KALRN: variants seen among roughly 807,000 people sequenced by gnomAD.
KALRN encodes kalirin RhoGEF kinase, also known as kalirin.
KALRN carries 70 observed loss-of-function variants against 353.7 expected under a neutral mutation model. The ratio of observed to expected loss-of-function variants is 0.20; its 90% CI spans 0.16 to 0.24. The LOEUF is 0.24. Ranked by LOEUF, KALRN falls within the 10% of genes least tolerant of loss-of-function variation. The pLI, the probability that KALRN is intolerant of heterozygous loss-of-function variation, is 1.00. For missense variants in KALRN, 2,791 were observed against 3,756.7 expected, an observed-to-expected ratio of 0.74 and a Z score of 6.72; for synonymous variants, 1,391 against 1,434.8, an observed-to-expected ratio of 0.97 and a Z score of 0.69.
rs2063377141 is a variant in KALRN, at chr3:124,722,909, G to C, written c.*3439G>C. 1 of 152,140 alleles carries C rather than the reference G, an allele frequency of 6.6e-6. No individual in the cohort carries two copies. The allele number at this position is 152,140 out of a possible 1,614,324, so 9.4% of individuals were successfully genotyped here. ...TTTTGTTTTGTAAGGGTGGGATACA[G>C]AAAGAATGAAAAGATCAGGGACAAC... On this transcript the variant is annotated 3_prime_UTR_variant, in exon 60 of 60. Transcript: ENST00000682506.
intron 54 of KALRN, among the ~76,000 whole-genome samples, chr3:124,697,338 T>TACC (rs1432382636): frequency 6.6e-6 from 1 of 152,186 alleles, no homozygotes; most frequent in Admixed American, 6.5e-5. Context: ...ACCATAAACC[T>TACC]ACCATCAACA....
chr3:124,534,446 T>G (rs1577786031), intron 33 of KALRN, among the ~76,000 whole-genome samples: 1 of 152,252 alleles, frequency 6.6e-6, no homozygotes, highest in South Asian at 2.1e-4. Context: ...ACCTAGATGA[T>G]GGGTTGACAA....
At chr3:124,048,184 CAG>C (rs1244130006) in intron 1 of KALRN, among the ~76,000 whole-genome samples, 1 of 152,112 alleles carries the variant, frequency 6.6e-6, no homozygotes, top group East Asian at 1.9e-4. Flanking sequence ...TATAGGAAGA[CAG>C]AGGATCCATT....
intron 1 of KALRN, among the ~76,000 whole-genome samples, chr3:124,192,202 G>T (rs962453515): frequency 6.6e-6 from 1 of 152,166 alleles, no homozygotes; most frequent in Non-Finnish European, 1.5e-5. Flanking sequence ...TGATATGATT[G>T]GTGTCCTAGT....
chr3:124,701,601 T>TAGAAAG (rs1016301789), intron 56 of KALRN, among the ~76,000 whole-genome samples: 2 of 152,134 alleles, frequency 1.3e-5, no homozygotes, highest in Non-Finnish European at 2.9e-5. Context: ...TGGCTCAGGT[T>TAGAAAG]AGAAAGAGAA....
At position 124,725,607 on chromosome 3, in the gene KALRN, G is replaced by C. The variant is rs966995495; in HGVS notation, c.*6137G>C. 1 of 152,162 alleles carries C rather than the reference G, an allele frequency of 6.6e-6. No individual in the cohort carries two copies. Among genetic ancestry groups the C allele is most frequent in the African/African-American group, 2.4e-5 (1 of 41,418 alleles). The allele number at this position is 152,162 out of a possible 1,614,324, so 9.4% of individuals were successfully genotyped here. On this transcript the variant is annotated 3_prime_UTR_variant, in exon 60 of 60. Transcript: ENST00000682506. ...CATTTAGGGCCATTCAAAACCATTA[G>C]GGCTAATTTGTGGAGACGAATTCTA...
At chr3:124,067,479 A>T (rs2042466751) in intron 1 of KALRN, among the ~76,000 whole-genome samples, 1 of 152,206 alleles carries the variant, frequency 6.6e-6, no homozygotes, top group Admixed American at 6.5e-5. Context: ...AATTTAAAGC[A>T]CACAGCAAAA....
At chr3:124,372,515 A>G (rs1023578643) in intron 10 of KALRN, among the ~76,000 whole-genome samples, 2 of 151,874 alleles carry the variant, frequency 1.3e-5, no homozygotes, top group Non-Finnish European at 2.9e-5. Flanking sequence ...AATCATTATC[A>G]TTATCAGTAG....
intron 3 of KALRN, among the ~76,000 whole-genome samples, chr3:124,243,869 A>G (rs2080803431): frequency 6.6e-6 from 1 of 152,202 alleles, no homozygotes; most frequent in Non-Finnish European, 1.5e-5. Flanking sequence ...GGCTGACAAC[A>G]ACTGGCAGTT....
intron 34 of KALRN, among the ~76,000 whole-genome samples, chr3:124,607,050 C>T (rs1385263209): frequency 6.6e-6 from 1 of 152,222 alleles, no homozygotes; most frequent in East Asian, 1.9e-4. Flanking sequence ...TGTCTTTTGA[C>T]TCATCAATAC....
At chr3:124,041,040 G>A (rs552916059) in intron 1 of KALRN, among the ~76,000 whole-genome samples, 14 of 152,176 alleles carry the variant, frequency 9.2e-5, no homozygotes, top group African/African-American at 2.7e-4. Context: ...GTTTACTATA[G>A]TCATGTACCA....
At chr3:124,538,260 T>TGTTTGTG (rs2068708274) in intron 33 of KALRN, among the ~76,000 whole-genome samples, 6 of 149,966 alleles carry the variant, frequency 4.0e-5, no homozygotes, top group Non-Finnish European at 7.4e-5. Flanking sequence ...GTGTGTGTGT[T>TGTTTGTG]TGTGTGTGTG....
chr3:124,569,533 T>A (rs958643646), intron 34 of KALRN, among the ~76,000 whole-genome samples: 1 of 152,206 alleles, frequency 6.6e-6, no homozygotes, highest in Non-Finnish European at 1.5e-5. Context: ...ATCTTACAGA[T>A]AAAGACACTG....
chr3:124,276,019 C>A (rs1309018299), intron 5 of KALRN, among the ~76,000 whole-genome samples: 2 of 152,172 alleles, frequency 1.3e-5, no homozygotes, highest in Non-Finnish European at 2.9e-5. Flanking sequence ...GAGGTGAGCA[C>A]CTGTCCCCAT....
intron 36 of KALRN, 74 bp downstream of exon 36, chr3:124,634,027 G>A (rs2081079330): frequency 1.9e-6 from 2 of 1,054,730 alleles, no homozygotes; most frequent in African/African-American, 1.6e-5. Context: ...TGTGATGGGG[G>A]TAGTCATACT....
chr3:124,705,267 A>C (rs7650393), intron 57 of KALRN, among the ~76,000 whole-genome samples: 12,964 of 152,216 alleles, frequency 0.085, 909 homozygotes, highest in East Asian at 0.32. Context: ...TTGAAACTAT[A>C]ATGCAGGGTT....
At chr3:124,353,691 G>A (rs1370786441) in intron 10 of KALRN, among the ~76,000 whole-genome samples, 1 of 151,936 alleles carries the variant, frequency 6.6e-6, no homozygotes. Context: ...GAAAAGGTGG[G>A]AGAGCTTAAA....
chr3:124,434,261 G>T, intron 16 of KALRN, 46 bp from the exon 17 acceptor site: 4 of 1,528,006 alleles, frequency 2.6e-6, no homozygotes, highest in Non-Finnish European at 3.6e-6. Context: ...CCCATACCAC[G>T]CCTGGGTTGT....
chr3:124,058,876 A>G (rs765971220), intron 1 of KALRN, among the ~76,000 whole-genome samples: 9 of 152,202 alleles, frequency 5.9e-5, no homozygotes, highest in Non-Finnish European at 1.3e-4. Context: ...TATTATTTCT[A>G]TACTGTAAGC....
Sources: gnomAD v4.1 joint callset for allele counts (sites outside exome capture counted in the v4.1 genomes callset) on GRCh38, gnomAD v4.1.1 for gene constraint, MANE v1.5 for transcripts, NCBI Gene and HGNC (gene_info 2026-07-23, HGNC 2026-07-21) for gene names.